The following AKNA variants were observed in gnomAD, a reference collection of about 807,000 sequenced individuals.
The protein encoded by AKNA is microtubule organization protein AKNA.
AKNA carries 67 observed loss-of-function variants against 138.8 expected under a neutral mutation model. The observed-to-expected ratio is 0.48, with a 90% CI of 0.40 to 0.59. The LOEUF (loss-of-function observed/expected upper bound fraction) is 0.59, where lower values mean the gene tolerates loss of function less well. Among genes scored for constraint, AKNA ranks in the 20% least tolerant of loss-of-function variants. AKNA has a pLI of 0.00. For synonymous variants in AKNA, 737 were observed against 754.4 expected, an observed-to-expected ratio of 0.98 and a Z score of 0.38; for missense variants, 1,813 against 1,880.4, an observed-to-expected ratio of 0.96 and a Z score of 0.66.
chr9:114,364,457 G>T, intron 7 of AKNA, 103 bp downstream of exon 7: 1 of 1,210,982 alleles, frequency 8.3e-7, no homozygotes, highest in Non-Finnish European at 1.2e-6. Flanking sequence ...CTGTGTCTGG[G>T]ATTCTCTTTT....
chr9:114,330,983 T>G, downstream of AKNA: 1 of 766,314 alleles, frequency 1.3e-6, no homozygotes, highest in Non-Finnish European at 2.2e-6. Context: ...CTAACATTTT[T>G]GAGCTCTTAC....
At chr9:114,391,810 C>T (rs1372692385), upstream of AKNA, among the ~76,000 whole-genome samples, 1 of 127,772 alleles carries the variant, frequency 7.8e-6, no homozygotes, top group Admixed American at 8.5e-5. Flanking sequence ...GTCGAGATTG[C>T]ACCATTGCAC....
rs377679297 is a variant in AKNA, at chr9:114,347,916, A to C, written c.3222-16T>G. On this transcript the variant is annotated splice_polypyrimidine_tract_variant and intron_variant, in intron 15 of 21. Transcript: ENST00000374088. Reference sequence around the variant, plus strand: ...GATGGCCTGGCTGGGGTTGGAGTGGAGACAGAAACAAAGAACAGAGGCATG... The same window carrying C: ...GATGGCCTGGCTGGGGTTGGAGTGGCGACAGAAACAAAGAACAGAGGCATG... The C allele has an allele frequency of 6.5e-7, 1 of 1,548,746 alleles. No individual in the cohort carries two copies. Among genetic ancestry groups the C allele is most frequent in the Non-Finnish European group, 8.7e-7 (1 of 1,146,230 alleles).
intron 2 of AKNA, 52 bp downstream of exon 2, chr9:114,381,008 G>A (rs1171338379): frequency 1.6e-6 from 2 of 1,289,602 alleles, no homozygotes; most frequent in Non-Finnish European, 1.0e-6. Flanking sequence ...AAAAGAACGT[G>A]TGATGTTTTG....
intron 3 of AKNA, 91 bp downstream of exon 3, chr9:114,376,375 C>T (rs1003289350): frequency 2.9e-6 from 4 of 1,376,962 alleles, no homozygotes; most frequent in Non-Finnish European, 2.0e-6. Flanking sequence ...CCCCAGCCAG[C>T]CTCTACTCCA....
At chr9:114,390,109 G>C (rs1311134662), upstream of AKNA, among the ~76,000 whole-genome samples, 1 of 152,158 alleles carries the variant, frequency 6.6e-6, no homozygotes, top group Non-Finnish European at 1.5e-5. Flanking sequence ...GGCTGCCATT[G>C]CTGGGCATAG....
In AKNA at chr9:114,374,178, CG is replaced by C. The variant is rs1833001416; in HGVS notation, c.1342-12del. 1 of 1,554,148 alleles carries C rather than the reference CG, an allele frequency of 6.4e-7. No individual in the cohort carries two copies. Among genetic ancestry groups the C allele is most frequent in the Non-Finnish European group, 8.7e-7 (1 of 1,148,268 alleles). On this transcript the variant is annotated splice_polypyrimidine_tract_variant and intron_variant, in intron 3 of 21. Transcript: ENST00000374088. ...CCTGTGGTAGTCTTCCTGCAGAAAG[CG>C]GGAGCAACACGGTCACATGCGCAGG...
intron 15 of AKNA, among the ~76,000 whole-genome samples, chr9:114,349,208 C>T (rs570012599): frequency 2.0e-5 from 3 of 152,306 alleles, no homozygotes; most frequent in East Asian, 1.9e-4. Context: ...AGGCCGGGGG[C>T]GTGAGTCAGC....
At chr9:114,353,554 G>A (rs1363177929) in intron 14 of AKNA, among the ~76,000 whole-genome samples, 7 of 152,098 alleles carry the variant, frequency 4.6e-5, no homozygotes, top group Non-Finnish European at 8.8e-5. Context: ...GTGAGCCACC[G>A]TGCCCAGCCT....
intron 1 of AKNA, among the ~76,000 whole-genome samples, chr9:114,387,592 G>T (rs1256392999): frequency 6.6e-6 from 1 of 152,222 alleles, no homozygotes; most frequent in African/African-American, 2.4e-5. Flanking sequence ...CAGGCACAGA[G>T]ATGGACCCGC....
At chr9:114,388,075 C>A (rs1834177523), upstream of AKNA, 1 of 271,838 alleles carries the variant, frequency 3.7e-6, no homozygotes, top group African/African-American at 2.2e-5. Context: ...GCAGGAAGCG[C>A]CCAGCCTGAT....
chr9:114,395,151 C>G (rs764922809), upstream of AKNA, among the ~76,000 whole-genome samples: 1 of 152,166 alleles, frequency 6.6e-6, no homozygotes, highest in Non-Finnish European at 1.5e-5. Flanking sequence ...GGGCAGGAAG[C>G]CTGGGTAGAT....
downstream of AKNA, among the ~76,000 whole-genome samples, chr9:114,332,759 T>A (rs1157487379): frequency 6.6e-6 from 1 of 152,304 alleles, no homozygotes; most frequent in East Asian, 1.9e-4. Flanking sequence ...TTACATCATC[T>A]GCATAGTAGT....
chr9:114,373,112 C>T (rs1178570671), intron 4 of AKNA, among the ~76,000 whole-genome samples: 1 of 152,190 alleles, frequency 6.6e-6, no homozygotes, highest in Non-Finnish European at 1.5e-5. Flanking sequence ...CAGGGGGAGG[C>T]ACTGGGGCAT....
At chr9:114,331,252 G>A (rs1449292989), downstream of AKNA, among the ~76,000 whole-genome samples, 1 of 152,060 alleles carries the variant, frequency 6.6e-6, no homozygotes, top group Non-Finnish European at 1.5e-5. Flanking sequence ...CACATGGCAG[G>A]GATCTGATGG....
At chr9:114,333,369 TG>T (rs1829894270), downstream of AKNA, 1 of 585,008 alleles carries the variant, frequency 1.7e-6, no homozygotes, top group Non-Finnish European at 3.0e-6. Context: ...CGTGCCAGGA[TG>T]GAGGATGACA....
intron 18 of AKNA, 114 bp from the exon 19 acceptor site, chr9:114,343,917 T>G (rs1035264236): frequency 3.3e-6 from 3 of 920,080 alleles, no homozygotes; most frequent in Admixed American, 5.3e-5. Flanking sequence ...AGTCTCTGTC[T>G]CTCTCTCACG....
upstream of AKNA, among the ~76,000 whole-genome samples, chr9:114,388,739 G>A (rs966931319): frequency 6.6e-6 from 1 of 152,192 alleles, no homozygotes; most frequent in South Asian, 2.1e-4. Context: ...ACTGTGTGGC[G>A]GGTGCTTTTA....
Position 114,359,904 on chromosome 9 carries a change from G to A in AKNA, c.2283C>T (p.Leu761=). The A allele has an allele frequency of 2.5e-6, 4 of 1,614,222 alleles. No individual in the cohort carries two copies. The highest frequency in any genetic ancestry group is 3.4e-6 in the Non-Finnish European group (4 of 1,180,028). Residue 761 remains leucine, a synonymous_variant, in exon 10 of 22, where the codon CTC becomes CTT. Transcript: ENST00000374088. ...ELQMEQVYHG[L]MERYLSVKSL... ...GTCCAGGTGGCACTCACCGCTCCAT[G>A]AGGCCATGGTAAACTTGCTCCATCT...
Sources: allele counts gnomAD v4.1 joint callset (sites outside exome capture counted in the v4.1 genomes callset), GRCh38; gene constraint gnomAD v4.1.1; transcripts MANE v1.5; gene names NCBI Gene and HGNC (gene_info 2026-07-23, HGNC 2026-07-21).